The following KCTD16 variants were observed in gnomAD, a reference collection of about 807,000 sequenced individuals.
KCTD16 encodes the protein BTB/POZ domain-containing protein KCTD16.
In KCTD16, 13 loss-of-function variants were observed where a neutral mutation model predicts 33.2. That is an observed-to-expected ratio of 0.39 (90% confidence interval 0.25 to 0.62). KCTD16 has a LOEUF of 0.62. Among genes scored for constraint, KCTD16 ranks in the 20% least tolerant of loss-of-function variants. KCTD16 has a pLI of 0.50. For missense variants in KCTD16, 441 were observed against 525.1 expected, an observed-to-expected ratio of 0.84 and a Z score of 1.57; for synonymous variants, 197 against 195.3, an observed-to-expected ratio of 1.01 and a Z score of -0.07.
intron 3 of KCTD16, among the ~76,000 whole-genome samples, chr5:144,378,021 C>A (rs1036580323): frequency 2.6e-5 from 4 of 152,088 alleles, no homozygotes; most frequent in Admixed American, 2.6e-4. Flanking sequence ...TGAAATTGGT[C>A]AGAAGGGGAC....
At chr5:144,452,379 A>G (rs1007446019) in intron 3 of KCTD16, among the ~76,000 whole-genome samples, 7 of 151,932 alleles carry the variant, frequency 4.6e-5, no homozygotes, top group Non-Finnish European at 8.8e-5. Context: ...CAGTTATAAC[A>G]CAACAATCTT....
chr5:144,451,868 T>C (rs1282629178), intron 3 of KCTD16, among the ~76,000 whole-genome samples: 1 of 152,124 alleles, frequency 6.6e-6, no homozygotes, highest in Non-Finnish European at 1.5e-5. Flanking sequence ...TTGAGTATCC[T>C]AATTCATTAA....
intron 3 of KCTD16, among the ~76,000 whole-genome samples, chr5:144,398,005 A>T (rs769920073): frequency 6.6e-6 from 1 of 152,230 alleles, no homozygotes; most frequent in Admixed American, 6.5e-5. Context: ...ATCTTGCTCT[A>T]GCAGCTGTTT....
intron 3 of KCTD16, among the ~76,000 whole-genome samples, chr5:144,399,437 C>G (rs1752652957): frequency 6.6e-6 from 1 of 151,956 alleles, no homozygotes; most frequent in African/African-American, 2.4e-5. Context: ...GTTGTTACTG[C>G]TTATTTAGAA....
intron 3 of KCTD16, among the ~76,000 whole-genome samples, chr5:144,343,989 T>G (rs1752715354): frequency 6.6e-6 from 1 of 152,128 alleles, no homozygotes; most frequent in Admixed American, 6.5e-5. Flanking sequence ...CAAAACAGCA[T>G]GGTACTGGTA....
intron 3 of KCTD16, among the ~76,000 whole-genome samples, chr5:144,247,131 C>G (rs895882335): frequency 1.3e-5 from 2 of 152,206 alleles, no homozygotes; most frequent in African/African-American, 4.8e-5. Flanking sequence ...ATCCCATACA[C>G]TCTTTTACAT....
chr5:144,458,048 G>A (rs961706931), intron 3 of KCTD16, among the ~76,000 whole-genome samples: 1 of 152,146 alleles, frequency 6.6e-6, no homozygotes, highest in Non-Finnish European at 1.5e-5. Context: ...CTCTTCACAT[G>A]AGAGAAACAA....
At chr5:144,228,421 T>C (rs1486454651) in intron 3 of KCTD16, among the ~76,000 whole-genome samples, 1 of 152,202 alleles carries the variant, frequency 6.6e-6, no homozygotes, top group Non-Finnish European at 1.5e-5. Flanking sequence ...GTGGAGGTCA[T>C]TGATAACTTT....
intron 3 of KCTD16, among the ~76,000 whole-genome samples, chr5:144,209,243 A>G (rs1475552543): frequency 6.6e-6 from 1 of 152,204 alleles, no homozygotes; most frequent in Non-Finnish European, 1.5e-5. Context: ...GCTTACATAA[A>G]TGAGACCCAC....
intron 3 of KCTD16, among the ~76,000 whole-genome samples, chr5:144,322,157 C>A (rs1440766672): frequency 6.6e-6 from 1 of 151,978 alleles, no homozygotes; most frequent in Non-Finnish European, 1.5e-5. Flanking sequence ...GCCATAAAAT[C>A]ATAGTTCCTC....
intron 1 of KCTD16, among the ~76,000 whole-genome samples, 180 bp from the exon 2 acceptor site, chr5:144,174,127 A>G (rs1259477450): frequency 6.6e-6 from 1 of 152,164 alleles, no homozygotes; most frequent in East Asian, 1.9e-4. Context: ...TCCATCACCA[A>G]AACAAAAAGG....
chr5:144,324,134 A>G (rs1580872937), intron 3 of KCTD16, among the ~76,000 whole-genome samples: 1 of 152,162 alleles, frequency 6.6e-6, no homozygotes, highest in East Asian at 1.9e-4. Context: ...AGGTCACAGG[A>G]AACACACTAT....
At chr5:144,452,399 CAGA>C (rs755322312) in intron 3 of KCTD16, among the ~76,000 whole-genome samples, 43 of 151,178 alleles carry the variant, frequency 2.8e-4, no homozygotes, top group Non-Finnish European at 4.3e-4. Context: ...TTTTTACTGG[CAGA>C]AGGAGGGAGA....
chr5:144,348,184 A>G (rs1752855118), intron 3 of KCTD16, among the ~76,000 whole-genome samples: 1 of 150,734 alleles, frequency 6.6e-6, no homozygotes, highest in Non-Finnish European at 1.5e-5. Context: ...CAGTTCGCAG[A>G]CTCTTCTCCC....
intron 3 of KCTD16, among the ~76,000 whole-genome samples, chr5:144,302,291 GAAA>G (rs1175964923): frequency 6.6e-6 from 1 of 151,678 alleles, no homozygotes; most frequent in African/African-American, 2.4e-5. Context: ...TCAGGGAGAA[GAAA>G]AAAATGAAAA....
chr5:144,299,072 ATTTTTGTATATATATATCACTATG>A (rs1561558216), intron 3 of KCTD16, among the ~76,000 whole-genome samples: 133 of 57,220 alleles, frequency 2.3e-3, no homozygotes, highest in Non-Finnish European at 3.4e-3. Flanking sequence ...ATATATATAT[ATTTTTGTATATATATATCACTATG>A]TATATATATA....
At chr5:144,462,534 A>AT (rs146733403) in intron 3 of KCTD16, among the ~76,000 whole-genome samples, 48,690 of 144,080 alleles carry the variant, frequency 0.34, 8,316 homozygotes, top group South Asian at 0.37. Flanking sequence ...CAGAGCTATT[A>AT]TTTTTTTTTT....
chr5:144,379,851 A>G (rs1321443487), intron 3 of KCTD16, among the ~76,000 whole-genome samples: 1 of 152,202 alleles, frequency 6.6e-6, no homozygotes, highest in African/African-American at 2.4e-5. Context: ...TTATATTCAA[A>G]TAAAGCAAAA....
In KCTD16 at chr5:144,484,261, A is replaced by G. The variant is rs141821620; in HGVS notation, c.*10147A>G. ...GAAAGGTATTCTAGTTAAGACACACAGAAACACAAACTTAGCGGAGCTGCA... is the reference window on the plus strand; with the variant it reads ...GAAAGGTATTCTAGTTAAGACACACGGAAACACAAACTTAGCGGAGCTGCA... On this transcript the variant is annotated 3_prime_UTR_variant, in exon 4 of 4. Coordinates refer to ENST00000512467, the MANE Select transcript of KCTD16 (RefSeq NM_020768.4). The G allele has an allele frequency of 1.2e-3, 183 of 152,042 alleles. 2 individuals carry two copies. The highest frequency in any genetic ancestry group is 4.2e-3 in the African/African-American group (173 of 41,538). The allele number at this position is 152,042 out of a possible 1,614,324, so 9.4% of individuals were successfully genotyped here.
Sources: gnomAD v4.1 joint callset for allele counts (sites outside exome capture counted in the v4.1 genomes callset) on GRCh38, gnomAD v4.1.1 for gene constraint, MANE v1.5 for transcripts, NCBI Gene and HGNC (gene_info 2026-07-23, HGNC 2026-07-21) for gene names.